BBS9: variants seen among roughly 807,000 people sequenced by gnomAD.
BBS9 encodes Bardet-Biedl syndrome 9.
Under a neutral mutation model 117.7 loss-of-function variants are expected in BBS9, and 89 were observed. The observed-to-expected ratio is 0.76, with a 90% confidence interval of 0.64 to 0.90. The LOEUF is 0.90. Among genes scored for constraint, BBS9 ranks in the 40% least tolerant of loss-of-function variants. BBS9 has a pLI of 0.00. For missense variants in BBS9, 982 were observed against 1,042.2 expected (o/e 0.94, Z 0.80); for synonymous variants, 379 against 370.9 (o/e 1.02, Z -0.25).
rs553119433 is a variant in BBS9 at position 33,221,910 on chromosome 7, C to T, written c.443-35326C>T. Among the ~76,000 whole-genome samples, 1,095 of 110,058 alleles carry T rather than the reference C, an allele frequency of 9.9e-3. 5 individuals carry two copies. The highest frequency in any genetic ancestry group is 0.014 in the Non-Finnish European group (632 of 45,092). The allele number at this position is 110,058 out of a possible 152,430, so 72.2% of individuals were successfully genotyped here. A position where few individuals can be genotyped will look rare whatever the true frequency, so the allele number is the denominator to read the frequency against. ...TGCTTAAAAATCATATATATATATA[C>T]ACACACACACACATATATGATATGA... is the stretch of plus-strand genomic sequence containing the variant. On this transcript the variant is annotated intron_variant, in intron 5 of 22. Transcript: ENST00000242067.
intron 19 of BBS9, among the ~76,000 whole-genome samples, chr7:33,503,591 A>G (rs1012260891): frequency 1.3e-5 from 2 of 152,048 alleles, no homozygotes; most frequent in Non-Finnish European, 1.5e-5. Context: ...TCACCATTGA[A>G]TTCCCTACAA....
chr7:33,316,357 T>C (rs1810511240), intron 9 of BBS9, among the ~76,000 whole-genome samples: 1 of 152,228 alleles, frequency 6.6e-6, no homozygotes, highest in Admixed American at 6.5e-5. Flanking sequence ...TTAAAAAATC[T>C]CTTCTGTGTA....
rs371026667 is a variant in BBS9 at position 33,399,923 on chromosome 7, A to G, written c.2115+11779A>G. On this transcript the variant is annotated intron_variant, in intron 19 of 22. Transcript: ENST00000242067. Reference sequence around the variant, plus strand: ...ACTTCAAGGGGAGAACAGACCTATTATCGTATGAAAACATTCTCCTTTTAA... The same window carrying G: ...ACTTCAAGGGGAGAACAGACCTATTGTCGTATGAAAACATTCTCCTTTTAA... Among the ~76,000 whole-genome samples the G allele has an allele frequency of 2.0e-4, 30 of 152,134 alleles. 2 individuals carry two copies. The highest frequency in any genetic ancestry group is 1.2e-3 in the East Asian group (6 of 5,196).
At chr7:33,422,575 C>T (rs946049447) in intron 19 of BBS9, among the ~76,000 whole-genome samples, 1 of 152,114 alleles carries the variant, frequency 6.6e-6, no homozygotes, top group Admixed American at 6.5e-5. Flanking sequence ...AATTCAATTA[C>T]TTTTGATTGT....
At chr7:33,634,819 G>A (rs1305406996) in intron 21 of BBS9, among the ~76,000 whole-genome samples, 1 of 152,188 alleles carries the variant, frequency 6.6e-6, no homozygotes, top group Non-Finnish European at 1.5e-5. Flanking sequence ...GGCTGAAGGA[G>A]GATGAGTAGG....
At chr7:33,429,834 T>C (rs1452606779) in intron 19 of BBS9, among the ~76,000 whole-genome samples, 2 of 152,164 alleles carry the variant, frequency 1.3e-5, no homozygotes, top group East Asian at 3.8e-4. Context: ...GAGAATAACT[T>C]TACTTGCCAA....
At chr7:33,241,450 G>A (rs1794513306) in intron 5 of BBS9, among the ~76,000 whole-genome samples, 1 of 152,242 alleles carries the variant, frequency 6.6e-6, no homozygotes, top group South Asian at 2.1e-4. Context: ...AACTGGATTA[G>A]CATTGGTGAC....
At chr7:33,584,146 T>C (rs1860486343) in intron 21 of BBS9, among the ~76,000 whole-genome samples, 1 of 152,058 alleles carries the variant, frequency 6.6e-6, no homozygotes, top group Non-Finnish European at 1.5e-5. Flanking sequence ...CAGAGAGAAA[T>C]GATCAATATT....
intron 5 of BBS9, among the ~76,000 whole-genome samples, chr7:33,218,866 C>T (rs1789584180): frequency 6.6e-6 from 1 of 152,282 alleles, no homozygotes; most frequent in Non-Finnish European, 1.5e-5. Flanking sequence ...TGGGCTCCCA[C>T]TTTGGCGGCA....
At chr7:33,531,219 T>G (rs1037534711) in intron 20 of BBS9, among the ~76,000 whole-genome samples, 1 of 152,160 alleles carries the variant, frequency 6.6e-6, no homozygotes, top group Non-Finnish European at 1.5e-5. Context: ...CACTCTAGCC[T>G]GGGCAACAAG....
intron 21 of BBS9, among the ~76,000 whole-genome samples, chr7:33,620,423 T>C (rs1241870832): frequency 6.6e-6 from 1 of 151,700 alleles, no homozygotes; most frequent in South Asian, 2.1e-4. Context: ...GGGACGAAAA[T>C]CAACATATAA....
chr7:33,222,581 T>C (rs919188129), intron 5 of BBS9, among the ~76,000 whole-genome samples: 1 of 152,088 alleles, frequency 6.6e-6, no homozygotes, highest in Non-Finnish European at 1.5e-5. Flanking sequence ...TTCTTCTCCT[T>C]CTATTCTCCA....
At chr7:33,477,575 C>T (rs1251867527) in intron 19 of BBS9, among the ~76,000 whole-genome samples, 1 of 152,078 alleles carries the variant, frequency 6.6e-6, no homozygotes, top group African/African-American at 2.4e-5. Flanking sequence ...GAAGGCTCTC[C>T]CAATCACATG....
At chr7:33,352,029 C>G (rs576515449) in intron 14 of BBS9, 2 of 153,282 alleles carry the variant, frequency 1.3e-5, no homozygotes, top group South Asian at 4.1e-4. Context: ...TTTCAGCCCT[C>G]AGGCTGTTTT....
intron 19 of BBS9, among the ~76,000 whole-genome samples, chr7:33,494,539 A>G (rs760796136): frequency 1.3e-5 from 2 of 152,226 alleles, no homozygotes; most frequent in African/African-American, 2.4e-5. Flanking sequence ...GGTAAACCCA[A>G]TGAATAACAT....
intron 21 of BBS9, chr7:33,534,402 C>A: frequency 1.7e-6 from 1 of 582,606 alleles, no homozygotes; most frequent in Non-Finnish European, 3.1e-6. Flanking sequence ...TTTCTTCTCT[C>A]TGCTTTTAAA....
intron 21 of BBS9, among the ~76,000 whole-genome samples, chr7:33,601,299 T>C (rs1314080747): frequency 6.6e-6 from 1 of 152,018 alleles, no homozygotes; most frequent in African/African-American, 2.4e-5. Flanking sequence ...CTCATTTGTG[T>C]CACACTTGCC....
rs760630121 is a variant in BBS9, at chr7:33,605,233, T to G, written c.*7T>G. The G allele has an allele frequency of 1.1e-5, 17 of 1,612,066 alleles. No homozygotes were observed. In the South Asian group the frequency reaches 1.8e-4, roughly 17 times the overall value. On this transcript the variant is annotated 3_prime_UTR_variant, in exon 23 of 23. Coordinates refer to ENST00000242067, the MANE Select transcript of BBS9 (RefSeq NM_198428.3). ...CCAAGGAGTCTCGGAATAATTCAAG[T>G]AGAGTTGTTTGGTTGAGAGGAACAT...
At chr7:33,270,350 T>G (rs1010193904) in intron 7 of BBS9, among the ~76,000 whole-genome samples, 2 of 152,138 alleles carry the variant, frequency 1.3e-5, no homozygotes, top group African/African-American at 4.8e-5. Context: ...GCAAGGATTG[T>G]TAACTGGGCT....
Sources: allele counts gnomAD v4.1 joint callset (sites outside exome capture counted in the v4.1 genomes callset), GRCh38; gene constraint gnomAD v4.1.1; transcripts MANE v1.5; gene names NCBI Gene and HGNC (gene_info 2026-07-23, HGNC 2026-07-21).